Variants in SMYD3 observed in about 807,000 individuals in gnomAD.
SMYD3 encodes SET and MYND domain containing 3.
SMYD3 carries 36 observed loss-of-function variants against 57.7 expected under a neutral mutation model. The ratio of observed to expected loss-of-function variants is 0.62; its 90% confidence interval spans 0.48 to 0.82. The LOEUF is 0.82. Among genes scored for constraint, SMYD3 ranks in the 40% least tolerant of loss-of-function variants. The pLI is 0.00. For synonymous variants in SMYD3, 211 were observed against 195.0 expected (o/e 1.08, Z -0.68); for missense variants, 515 against 538.8 (o/e 0.96, Z 0.44).
intron 5 of SMYD3, among the ~76,000 whole-genome samples, chr1:246,068,478 T>G (rs2148374315): frequency 6.6e-6 from 1 of 152,232 alleles, no homozygotes; most frequent in East Asian, 1.9e-4. Flanking sequence ...ACCTAAATGG[T>G]TAAAGTCTTT....
At chr1:246,208,164 C>T (rs1299176307) in intron 5 of SMYD3, among the ~76,000 whole-genome samples, 6 of 152,116 alleles carry the variant, frequency 3.9e-5, no homozygotes, top group Non-Finnish European at 8.8e-5. Context: ...CAAAGCACAG[C>T]TGTCTCTCTG....
At chr1:245,955,166 A>T (rs909889142) in intron 5 of SMYD3, among the ~76,000 whole-genome samples, 1 of 152,022 alleles carries the variant, frequency 6.6e-6, no homozygotes, top group Non-Finnish European at 1.5e-5. Context: ...ATCTCAGCTC[A>T]CTGCAAGTTC....
In SMYD3 at chr1:245,870,266, C is replaced by T. The variant is rs74977543; in HGVS notation, c.814-6380G>A. Among the ~76,000 whole-genome samples, 643 of 152,270 alleles carry T rather than the reference C, an allele frequency of 4.2e-3. 7 individuals carry two copies. Among genetic ancestry groups the T allele is most frequent in the African/African-American group, 0.015 (607 of 41,562 alleles). On this transcript the variant is annotated intron_variant, in intron 8 of 11. Coordinates refer to ENST00000490107, the MANE Select transcript of SMYD3 (RefSeq NM_001167740.2). Reference sequence around the variant, plus strand: ...AATATTACTACACTAAGATCAGATACGTTCCCACCGCAGCTGTGGGTATTT... The same window carrying T: ...AATATTACTACACTAAGATCAGATATGTTCCCACCGCAGCTGTGGGTATTT...
At chr1:246,192,601 C>T (rs1326151914) in intron 5 of SMYD3, among the ~76,000 whole-genome samples, 1 of 151,978 alleles carries the variant, frequency 6.6e-6, no homozygotes, top group Non-Finnish European at 1.5e-5. Context: ...AATGTAAATG[C>T]TACAATAAAA....
intron 5 of SMYD3, among the ~76,000 whole-genome samples, chr1:245,932,876 T>A (rs2056803832): frequency 6.6e-6 from 1 of 152,204 alleles, no homozygotes; most frequent in African/African-American, 2.4e-5. Flanking sequence ...TCTATATTAG[T>A]CTGAGTGTTA....
chr1:246,120,669 G>T (rs1440064191), intron 5 of SMYD3, among the ~76,000 whole-genome samples: 2 of 152,182 alleles, frequency 1.3e-5, no homozygotes, highest in African/African-American at 4.8e-5. Context: ...ACATTGGCTA[G>T]ATGGCCAATA....
chr1:246,127,825 G>A (rs1247932879), intron 5 of SMYD3, among the ~76,000 whole-genome samples: 1 of 152,050 alleles, frequency 6.6e-6, no homozygotes, highest in African/African-American at 2.4e-5. Context: ...GAACCTGGGA[G>A]GCGGAGGTTG....
At chr1:246,423,548 T>C (rs1391803676) in intron 1 of SMYD3, among the ~76,000 whole-genome samples, 2 of 151,370 alleles carry the variant, frequency 1.3e-5, no homozygotes, top group Non-Finnish European at 2.9e-5. Context: ...AAAAATGTTT[T>C]AAAGTAGTCA....
chr1:245,997,282 G>A (rs1046879847), intron 5 of SMYD3, among the ~76,000 whole-genome samples: 3 of 152,204 alleles, frequency 2.0e-5, no homozygotes, highest in African/African-American at 7.2e-5. Flanking sequence ...AGACAGGGGG[G>A]ATGTCAACTG....
chr1:246,130,643 T>A (rs1417964905), intron 5 of SMYD3, among the ~76,000 whole-genome samples: 1 of 149,576 alleles, frequency 6.7e-6, no homozygotes, highest in Non-Finnish European at 1.5e-5. Flanking sequence ...AAAAAGAAAA[T>A]GCTGTTTGGA....
intron 10 of SMYD3, among the ~76,000 whole-genome samples, chr1:245,795,817 T>C (rs964466372): frequency 1.3e-5 from 2 of 152,202 alleles, no homozygotes; most frequent in Admixed American, 1.3e-4. Flanking sequence ...TCTCCCTAAA[T>C]ACTATTCTCG....
At chr1:246,462,468 T>C (rs1042329557) in intron 1 of SMYD3, among the ~76,000 whole-genome samples, 20 of 152,134 alleles carry the variant, frequency 1.3e-4, no homozygotes, top group African/African-American at 4.8e-4. Flanking sequence ...ACTGTGCCAC[T>C]GTGTCCACTG....
intron 5 of SMYD3, among the ~76,000 whole-genome samples, chr1:246,013,355 T>G (rs2059320386): frequency 6.6e-6 from 1 of 152,028 alleles, no homozygotes. Context: ...AATTTTTGTA[T>G]TTTTAGTAGG....
At chr1:246,341,594 G>C (rs1323511056) in intron 2 of SMYD3, among the ~76,000 whole-genome samples, 1 of 152,144 alleles carries the variant, frequency 6.6e-6, no homozygotes, top group Non-Finnish European at 1.5e-5. Context: ...AATGAAAGTA[G>C]ACTCTCACAA....
intron 10 of SMYD3, among the ~76,000 whole-genome samples, chr1:245,825,485 A>G (rs1572447567): frequency 6.6e-6 from 1 of 152,090 alleles, no homozygotes; most frequent in African/African-American, 2.4e-5. Flanking sequence ...TTCAGGCTGG[A>G]AAGGGGCTCA....
At chr1:245,777,705 T>G (rs527443892) in intron 10 of SMYD3, among the ~76,000 whole-genome samples, 1 of 152,298 alleles carries the variant, frequency 6.6e-6, no homozygotes, top group South Asian at 2.1e-4. Context: ...GGTCCCCCTG[T>G]GTCTTCTGCA....
intron 1 of SMYD3, among the ~76,000 whole-genome samples, chr1:246,402,902 T>C (rs563657218): frequency 2.6e-5 from 4 of 152,224 alleles, no homozygotes; most frequent in African/African-American, 9.6e-5. Context: ...TTTAAAATCA[T>C]GAAAATAAAT....
At chr1:246,080,944 T>C (rs759202647) in intron 5 of SMYD3, among the ~76,000 whole-genome samples, 2 of 152,190 alleles carry the variant, frequency 1.3e-5, no homozygotes, top group African/African-American at 2.4e-5. Context: ...GTTTATGGAA[T>C]GCATGTATAT....
intron 5 of SMYD3, among the ~76,000 whole-genome samples, chr1:246,318,744 A>G (rs2065203347): frequency 6.6e-6 from 1 of 152,206 alleles, no homozygotes; most frequent in African/African-American, 2.4e-5. Flanking sequence ...TGACAAACAC[A>G]TTTATCCATC....
Sources: gnomAD v4.1 joint callset for allele counts (sites outside exome capture counted in the v4.1 genomes callset) on GRCh38, gnomAD v4.1.1 for gene constraint, MANE v1.5 for transcripts, NCBI Gene and HGNC (gene_info 2026-07-23, HGNC 2026-07-21) for gene names.